The following RASGEF1B variants were observed in gnomAD, a reference collection of about 807,000 sequenced individuals.
RASGEF1B encodes the protein RasGEF domain family member 1B, also known as ras-GEF domain-containing family member 1B.
RASGEF1B carries 30 observed loss-of-function variants against 65.7 expected under a neutral mutation model. That is an observed-to-expected ratio of 0.46 (90% CI 0.34 to 0.62). The LOEUF is 0.62. RASGEF1B is among the 20% of genes least tolerant of loss of function. RASGEF1B has a pLI of 0.01. For synonymous variants in RASGEF1B, 175 were observed against 194.8 expected (o/e 0.90, Z 0.85); for missense variants, 495 against 580.1 (o/e 0.85, Z 1.51).
intron 4 of RASGEF1B, among the ~76,000 whole-genome samples, chr4:81,449,270 C>T (rs573559800): frequency 2.0e-4 from 30 of 152,322 alleles, no homozygotes; most frequent in African/African-American, 7.0e-4. Flanking sequence ...TGGCAATTCT[C>T]CCTGCAACAC....
At chr4:81,429,718 G>C (rs1375343990) in intron 13 of RASGEF1B, among the ~76,000 whole-genome samples, 2 of 152,248 alleles carry the variant, frequency 1.3e-5, no homozygotes, top group Non-Finnish European at 2.9e-5. Context: ...CACACTGGTA[G>C]AAGGGCACGC....
At chr4:81,450,950 CAT>C (rs749908222) in intron 4 of RASGEF1B, 4 of 152,166 alleles carry the variant, frequency 2.6e-5, no homozygotes, top group African/African-American at 2.4e-5. Flanking sequence ...CAAATGACTA[CAT>C]GAGAGTTAGA....
At chr4:81,438,134 T>C (rs1721708316) in intron 10 of RASGEF1B, among the ~76,000 whole-genome samples, 4 of 152,140 alleles carry the variant, frequency 2.6e-5, no homozygotes, top group Non-Finnish European at 5.9e-5. Flanking sequence ...AGAATTGGAA[T>C]GGCAAGAGGA....
chr4:81,456,407 C>A, intron 4 of RASGEF1B: 1 of 623,878 alleles, frequency 1.6e-6, no homozygotes. Flanking sequence ...AAATCCTGTG[C>A]ATGAGTTGAC....
At chr4:81,444,079 A>C (rs559717216) in intron 8 of RASGEF1B, among the ~76,000 whole-genome samples, 10 of 152,140 alleles carry the variant, frequency 6.6e-5, no homozygotes, top group Non-Finnish European at 1.3e-4. Context: ...AATATACAGT[A>C]TCCTCTCGCA....
At chr4:81,444,076 A>T (rs1423569027) in intron 8 of RASGEF1B, among the ~76,000 whole-genome samples, 1 of 152,218 alleles carries the variant, frequency 6.6e-6, no homozygotes, top group East Asian at 1.9e-4. Context: ...ATTAATATAC[A>T]GTATCCTCTC....
At chr4:81,460,353 C>T (rs970967603) in intron 1 of RASGEF1B, among the ~76,000 whole-genome samples, 5 of 152,102 alleles carry the variant, frequency 3.3e-5, no homozygotes, top group African/African-American at 7.2e-5. Context: ...GGACGGCACC[C>T]GGCCCTGAGA....
chr4:81,467,284 G>A (rs1240297896), intron 1 of RASGEF1B, among the ~76,000 whole-genome samples: 1 of 152,112 alleles, frequency 6.6e-6, no homozygotes, highest in African/African-American at 2.4e-5. Context: ...CCTAATTGTT[G>A]GAGGAAGGGG....
chr4:81,442,446 C>T, intron 8 of RASGEF1B, 70 bp from the exon 9 acceptor site: 1 of 860,414 alleles, frequency 1.2e-6, no homozygotes, highest in Non-Finnish European at 2.0e-6. Flanking sequence ...ACGATAAACA[C>T]ATACTTCTAA....
At chr4:81,460,588 T>C (rs1233855421) in intron 1 of RASGEF1B, among the ~76,000 whole-genome samples, 5 of 152,200 alleles carry the variant, frequency 3.3e-5, no homozygotes, top group African/African-American at 7.2e-5. Flanking sequence ...TGTGGAGCCC[T>C]GTCTAAGTCA....
At position 81,432,312 on chromosome 4, in the gene RASGEF1B, A is replaced by G. The variant is rs200625470; in HGVS notation, c.1384T>C (p.Trp462Arg). 1.9e-6 allele frequency: 3 copies of G among 1,605,112 alleles called. No individual in the cohort carries two copies. The highest frequency in any genetic ancestry group is 2.7e-5 in the African/African-American group (2 of 74,724). Residue 462 changes from tryptophan (W) to arginine (R), a missense_variant, in exon 13 of 14, where the codon TGG becomes CGG. Physicochemically the swap from Trp to Arg is moderately radical, Grantham distance 101. Transcript: ENST00000264400. ...AATGAGACCCACCTTAAAGACTTCC[A>G]TCTGTCTTTCTCTATATGATTTTCA... Reference protein sequence around the residue: ...GPENHIEKDRWKSLRSSLLGR... With the variant: ...GPENHIEKDRRKSLRSSLLGR...
chr4:81,468,314 G>C (rs1312465722), intron 1 of RASGEF1B, among the ~76,000 whole-genome samples: 1 of 152,120 alleles, frequency 6.6e-6, no homozygotes, highest in Non-Finnish European at 1.5e-5. Context: ...CCAGCTGTGA[G>C]TTTTTGAAAA....
intron 9 of RASGEF1B, among the ~76,000 whole-genome samples, chr4:81,441,541 T>TC (rs1491286657): frequency 5.9e-5 from 5 of 85,378 alleles, no homozygotes; most frequent in Non-Finnish European, 7.5e-5. Context: ...TTGCACGCGA[T>TC]TTTTTTTTTT....
intron 13 of RASGEF1B, among the ~76,000 whole-genome samples, chr4:81,429,990 C>T (rs1448356246): frequency 6.6e-6 from 1 of 152,206 alleles, no homozygotes; most frequent in Non-Finnish European, 1.5e-5. Context: ...CCTTTGGGCT[C>T]CCCCATAGGC....
At chr4:81,449,115 CA>C (rs1174991140) in intron 4 of RASGEF1B, among the ~76,000 whole-genome samples, 1 of 152,142 alleles carries the variant, frequency 6.6e-6, no homozygotes, top group East Asian at 1.9e-4. Flanking sequence ...TCTGGCCTAC[CA>C]CCTTCTTGAC....
At chr4:81,447,479 G>T (rs59588994) in intron 6 of RASGEF1B, 25 bp downstream of exon 6, 228,311 of 1,586,550 alleles carry the variant, frequency 0.14, 17,659 homozygotes, top group African/African-American at 0.18. Flanking sequence ...TGGTTTCAGT[G>T]CTGACCTTTG....
rs771053561 is a variant in RASGEF1B, at chr4:81,442,364, A to T, written c.941T>A (p.Met314Lys). 6.2e-7 allele frequency: 1 copy of T among 1,610,862 alleles called. No individual in the cohort carries two copies. Among genetic ancestry groups the T allele is most frequent in the Admixed American group, 1.7e-5 (1 of 60,010 alleles). The change falls in exon 9 of 14, where the codon ATG becomes AAG. Residue 314 changes from methionine to lysine, a missense_variant. Transcript: ENST00000264400. The part of the protein sequence containing the change: ...SLMAIISGMN[M>K]SPVSRLKKTW... ...TTTTTTTAGTCGAGAGACTGGGCTC[A>T]TATTCATACCAGCTTCCCATTTGAA...
chr4:81,443,059 A>C (rs1341124071), intron 8 of RASGEF1B, among the ~76,000 whole-genome samples: 1 of 152,238 alleles, frequency 6.6e-6, no homozygotes, highest in Non-Finnish European at 1.5e-5. Context: ...TTAACAAGTA[A>C]CAGAGATGGA....
chr4:81,440,998 T>A, intron 9 of RASGEF1B, 69 bp from the exon 10 acceptor site: 1 of 1,068,254 alleles, frequency 9.4e-7, no homozygotes, highest in Non-Finnish European at 1.4e-6. Context: ...GTTTATAAGA[T>A]CACATATTTA....
Sources: allele counts gnomAD v4.1 joint callset (sites outside exome capture counted in the v4.1 genomes callset), GRCh38; gene constraint gnomAD v4.1.1; transcripts MANE v1.5; gene names NCBI Gene and HGNC (gene_info 2026-07-23, HGNC 2026-07-21).